The following GTF2F2 variants were observed in gnomAD, a reference collection of about 807,000 sequenced individuals.
GTF2F2 encodes the protein general transcription factor IIF subunit 2.
Under a neutral mutation model 42.2 loss-of-function variants are expected in GTF2F2, and 23 were observed. That is an observed-to-expected ratio of 0.55 (90% CI 0.39 to 0.77). The LOEUF (loss-of-function observed/expected upper bound fraction) is 0.77, where lower values mean the gene tolerates loss of function less well. Ranked by LOEUF, GTF2F2 falls within the 30% of genes least tolerant of loss-of-function variation. The pLI is 0.00. For missense variants in GTF2F2, 261 were observed against 287.2 expected (o/e 0.91, Z 0.66); for synonymous variants, 105 against 100.8 (o/e 1.04, Z -0.25).
intron 5 of GTF2F2, among the ~76,000 whole-genome samples, chr13:45,250,813 A>G (rs1298144501): frequency 1.3e-5 from 2 of 152,170 alleles, no homozygotes; most frequent in Non-Finnish European, 2.9e-5. Context: ...TGGGTTGCAC[A>G]TCTCCCTTCT....
chr13:45,245,419 C>G (rs2138238793), intron 5 of GTF2F2, among the ~76,000 whole-genome samples: 1 of 151,632 alleles, frequency 6.6e-6, no homozygotes, highest in Admixed American at 6.6e-5. Flanking sequence ...TACACTGTAC[C>G]CAATGTATAG....
chr13:45,229,312 C>T (rs748086343), intron 5 of GTF2F2, among the ~76,000 whole-genome samples: 1 of 152,046 alleles, frequency 6.6e-6, no homozygotes. Flanking sequence ...CCCCCACCTC[C>T]CACCACCGCC....
intron 7 of GTF2F2, among the ~76,000 whole-genome samples, chr13:45,270,947 T>C (rs1384027481): frequency 6.6e-6 from 1 of 152,184 alleles, no homozygotes; most frequent in East Asian, 1.9e-4. Context: ...ACAGCGTTCA[T>C]TTACCAGTGT....
chr13:45,159,440 G>GA (rs1489570532), intron 4 of GTF2F2, among the ~76,000 whole-genome samples: 1 of 152,072 alleles, frequency 6.6e-6, no homozygotes, highest in African/African-American at 2.4e-5. Flanking sequence ...GCCAAGGCTG[G>GA]AGCGCAGTGG....
intron 1 of GTF2F2, chr13:45,123,041 A>G (rs1257723713): frequency 6.6e-6 from 1 of 151,994 alleles, no homozygotes; most frequent in African/African-American, 2.4e-5. Flanking sequence ...GTGCCACTGC[A>G]TGCACTCCTG....
chr13:45,212,470 TC>T lies in GTF2F2; in HGVS notation c.386+4966del, dbSNP rs1375930390. Among the ~76,000 whole-genome samples, 924 of 113,974 alleles carry T rather than the reference TC, an allele frequency of 8.1e-3. 54 individuals are homozygous for T. The highest frequency in any genetic ancestry group is 0.032 in the African/African-American group (850 of 26,476). 74.8% of individuals were successfully genotyped at this position (113,974 alleles called of 152,430 possible). ...TTGTTTCTTTCTTTCTTTCTTTCTT[TC>T]TTTCTTTCTTTCTTTCTTTCTTTCT... On this transcript the variant is annotated intron_variant, in intron 5 of 7. Transcript: ENST00000340473.
At chr13:45,152,710 A>G (rs1172792304) in intron 4 of GTF2F2, among the ~76,000 whole-genome samples, 7 of 152,232 alleles carry the variant, frequency 4.6e-5, no homozygotes, top group Admixed American at 2.6e-4. Flanking sequence ...TCAATAGATC[A>G]GAAGCAAATG....
chr13:45,221,556 C>T (rs1469223384), intron 5 of GTF2F2, among the ~76,000 whole-genome samples: 1 of 152,076 alleles, frequency 6.6e-6, no homozygotes, highest in Admixed American at 6.6e-5. Flanking sequence ...AGCTCAGGGC[C>T]CTTCCAAGTG....
intron 5 of GTF2F2, among the ~76,000 whole-genome samples, chr13:45,213,641 C>A (rs1469874163): frequency 6.6e-6 from 1 of 151,854 alleles, no homozygotes; most frequent in East Asian, 1.9e-4. Flanking sequence ...TTCTTCTTTC[C>A]CTCTTAGTCT....
At chr13:45,135,340 A>G (rs771321943) in intron 1 of GTF2F2, among the ~76,000 whole-genome samples, 7 of 151,848 alleles carry the variant, frequency 4.6e-5, no homozygotes, top group Non-Finnish European at 1.0e-4. Context: ...GCTCACTGCA[A>G]CCTCTGCCTC....
rs1207156751 is a variant in GTF2F2, at chr13:45,191,243, A to T, written c.305-16181A>T. On this transcript the variant is annotated intron_variant, in intron 4 of 7. Transcript: ENST00000340473. ...AAAAAAAATATATATATATATATAT[A>T]TATATATATATAGCCATAATCTCAC... 7.4e-5 allele frequency among the ~76,000 whole-genome samples: 10 copies of T among 135,906 alleles called. 1 individual carries two copies. The highest frequency in any genetic ancestry group is 7.2e-4 in the Admixed American group (10 of 13,812). The allele number at this position is 135,906 out of a possible 152,430, so 89.2% of individuals were successfully genotyped here.
intron 5 of GTF2F2, among the ~76,000 whole-genome samples, chr13:45,247,770 C>T (rs976603440): frequency 2.0e-5 from 3 of 152,102 alleles, no homozygotes; most frequent in African/African-American, 7.2e-5. Context: ...CAAGCTTCAC[C>T]AACTTGAATT....
chr13:45,207,640 A>T (rs1443519696), intron 5 of GTF2F2, 135 bp downstream of exon 5: 14 of 574,840 alleles, frequency 2.4e-5, no homozygotes, highest in African/African-American at 1.7e-4. Context: ...GTTTGGTTTT[A>T]AAAGCAAGTA....
At chr13:45,207,883 A>G (rs963245674) in intron 5 of GTF2F2, among the ~76,000 whole-genome samples, 7 of 152,166 alleles carry the variant, frequency 4.6e-5, no homozygotes, top group African/African-American at 7.2e-5. Flanking sequence ...TGGGCCAGGC[A>G]TGGTGGCACA....
At chr13:45,277,990 G>A (rs200369857) in intron 7 of GTF2F2, among the ~76,000 whole-genome samples, 9 of 152,158 alleles carry the variant, frequency 5.9e-5, no homozygotes, top group Non-Finnish European at 1.3e-4. Flanking sequence ...TGTCAAAGGT[G>A]TATGTTTTTA....
At chr13:45,241,184 AAT>A (rs71697631) in intron 5 of GTF2F2, among the ~76,000 whole-genome samples, 45,542 of 143,680 alleles carry the variant, frequency 0.32, 9,083 homozygotes, top group African/African-American at 0.58. Context: ...ATAAATATAA[AAT>A]ATATATATAT....
At chr13:45,243,505 T>G (rs1436168337) in intron 5 of GTF2F2, among the ~76,000 whole-genome samples, 1 of 152,214 alleles carries the variant, frequency 6.6e-6, no homozygotes, top group Admixed American at 6.5e-5. Context: ...AAAATTGTCT[T>G]CCACAAAACC....
chr13:45,251,152 G>GTAAA (rs751170889), intron 5 of GTF2F2, among the ~76,000 whole-genome samples: 5 of 152,054 alleles, frequency 3.3e-5, no homozygotes, highest in Non-Finnish European at 5.9e-5. Context: ...AAGGCAATTG[G>GTAAA]TAAATATCTT....
At chr13:45,263,232 T>A (rs969275558) in intron 6 of GTF2F2, among the ~76,000 whole-genome samples, 2 of 145,930 alleles carry the variant, frequency 1.4e-5, no homozygotes, top group African/African-American at 5.0e-5. Context: ...TCAGACTAAA[T>A]TTTTTTTTTT....
Sources: allele counts gnomAD v4.1 joint callset (sites outside exome capture counted in the v4.1 genomes callset), GRCh38; gene constraint gnomAD v4.1.1; transcripts MANE v1.5; gene names NCBI Gene and HGNC (gene_info 2026-07-23, HGNC 2026-07-21).